Variants in ADAMTS20 observed in about 807,000 individuals in gnomAD.
ADAMTS20 encodes A disintegrin and metalloproteinase with thrombospondin motifs 20.
Under a neutral mutation model 260.1 loss-of-function variants are expected in ADAMTS20, and 225 were observed. The observed-to-expected ratio is 0.87, with a 90% CI of 0.78 to 0.97. The LOEUF is 0.97. Ranked by LOEUF, ADAMTS20 falls within the 50% of genes least tolerant of loss-of-function variation. The pLI is 0.00. For missense variants in ADAMTS20, 2,400 were observed against 2,337.7 expected (o/e 1.03, Z -0.55); for synonymous variants, 802 against 769.5 (o/e 1.04, Z -0.70).
chr12:43,411,743 T>C (rs1456003817), intron 28 of ADAMTS20, among the ~76,000 whole-genome samples: 6 of 152,208 alleles, frequency 3.9e-5, no homozygotes, highest in African/African-American at 9.6e-5. Flanking sequence ...TCTAGAATTT[T>C]TCTAAGCATC....
intron 3 of ADAMTS20, among the ~76,000 whole-genome samples, chr12:43,504,417 A>T (rs1277171699): frequency 6.6e-6 from 1 of 152,120 alleles, no homozygotes; most frequent in Non-Finnish European, 1.5e-5. Context: ...CTAGCTTTTA[A>T]TATTGTTATG....
chr12:43,392,676 A>T (rs1263379406), intron 29 of ADAMTS20, among the ~76,000 whole-genome samples: 1 of 152,084 alleles, frequency 6.6e-6, no homozygotes, highest in Non-Finnish European at 1.5e-5. Flanking sequence ...AGTCCAATAG[A>T]AAGTTTTCAA....
intron 28 of ADAMTS20, among the ~76,000 whole-genome samples, 182 bp downstream of exon 28, chr12:43,425,332 T>C (rs11182067): frequency 0.21 from 31,450 of 152,080 alleles, 3,742 homozygotes; most frequent in African/African-American, 0.31. Context: ...AGCTAGGTGA[T>C]GGGATCATCT....
chr12:43,502,085 C>T lies in ADAMTS20; in HGVS notation c.867+67G>A, dbSNP rs113217786. The T allele has an allele frequency of 1.2e-4, 169 of 1,408,402 alleles. 4 individuals carry two copies. The highest frequency in any genetic ancestry group is 5.2e-4 in the African/African-American group (35 of 67,098). The allele number at this position is 1,408,402 out of a possible 1,614,324, so 87.2% of individuals were successfully genotyped here. On this transcript the variant is annotated intron_variant, in intron 4 of 38. Transcript: ENST00000389420. The stretch of plus-strand genomic sequence containing the variant: ...AAGAGTTTGGAAAAAAAATTTAATT[C>T]GACATGAAAAAATTTCATTAAGCTA...
intron 37 of ADAMTS20, among the ~76,000 whole-genome samples, chr12:43,368,795 G>A (rs1453091622): frequency 6.6e-6 from 1 of 152,036 alleles, no homozygotes; most frequent in Admixed American, 6.6e-5. Flanking sequence ...TCATGGAAAT[G>A]ACATAAGAGC....
rs541947241 is a variant in ADAMTS20, at chr12:43,409,393, G to A, written c.4285-10160C>T. Among the ~76,000 whole-genome samples, 332 of 151,596 alleles carry A rather than the reference G, an allele frequency of 2.2e-3. 1 individual carries two copies. The highest frequency in any genetic ancestry group is 4.0e-3 in the Non-Finnish European group (271 of 67,876). ...CGAGACGGGCGGATCACGAGGTCAG[G>A]AGATCGAGACCATCCCGGCTAAAAC... On this transcript the variant is annotated intron_variant, in intron 28 of 38. Transcript: ENST00000389420.
intron 14 of ADAMTS20, among the ~76,000 whole-genome samples, chr12:43,447,527 A>G (rs920335317): frequency 1.3e-5 from 2 of 152,062 alleles, no homozygotes; most frequent in Admixed American, 6.6e-5. Context: ...CAAACCCACA[A>G]CAGCTATTAT....
intron 7 of ADAMTS20, among the ~76,000 whole-genome samples, chr12:43,478,979 C>T (rs548126045): frequency 1.6e-4 from 25 of 152,150 alleles, no homozygotes; most frequent in Admixed American, 3.3e-4. Context: ...CTTAAACCTG[C>T]GGAGTCTGGC....
chr12:43,529,228 T>C (rs747279080), intron 3 of ADAMTS20, among the ~76,000 whole-genome samples: 7 of 152,142 alleles, frequency 4.6e-5, no homozygotes, highest in Non-Finnish European at 5.9e-5. Context: ...ACAACCTCCA[T>C]GGAAACCTGT....
At chr12:43,478,455 A>C (rs1406129392) in intron 7 of ADAMTS20, among the ~76,000 whole-genome samples, 1 of 152,104 alleles carries the variant, frequency 6.6e-6, no homozygotes, top group East Asian at 1.9e-4. Flanking sequence ...AGATAAAATA[A>C]TAGGATAAAA....
At chr12:43,544,657 G>A (rs965437122) in intron 2 of ADAMTS20, among the ~76,000 whole-genome samples, 1 of 152,196 alleles carries the variant, frequency 6.6e-6, no homozygotes, top group African/African-American at 2.4e-5. Flanking sequence ...TCTATACAGA[G>A]AGAAGAGCAA....
At chr12:43,492,675 C>T (rs1038255932) in intron 5 of ADAMTS20, 46 bp from the exon 6 acceptor site, 6 of 1,599,708 alleles carry the variant, frequency 3.8e-6, no homozygotes, top group Non-Finnish European at 4.3e-6. Context: ...TATTAACGTC[C>T]TCTTTTCCTT....
chr12:43,443,194 T>A (rs781434886), intron 16 of ADAMTS20, among the ~76,000 whole-genome samples: 1 of 152,210 alleles, frequency 6.6e-6, no homozygotes, highest in African/African-American at 2.4e-5. Flanking sequence ...TTTTAAAGCA[T>A]CATTTTCATG....
chr12:43,482,561 G>A (rs893165539), intron 7 of ADAMTS20, among the ~76,000 whole-genome samples: 2 of 152,086 alleles, frequency 1.3e-5, no homozygotes, highest in Non-Finnish European at 2.9e-5. Context: ...GCTCCTCCCC[G>A]GAACATTACT....
At chr12:43,508,987 A>G (rs1942885380) in intron 3 of ADAMTS20, among the ~76,000 whole-genome samples, 1 of 152,060 alleles carries the variant, frequency 6.6e-6, no homozygotes. Context: ...CCCACTTATA[A>G]ATATTGAGAA....
intron 4 of ADAMTS20, among the ~76,000 whole-genome samples, chr12:43,501,481 G>GCACACACACACACACACACA (rs3036317): frequency 0.038 from 4,503 of 117,518 alleles, 154 homozygotes; most frequent in South Asian, 0.093. Flanking sequence ...GCGCGCGCGC[G>GCACACACACACACACACACA]CACACACACA....
intron 29 of ADAMTS20, among the ~76,000 whole-genome samples, chr12:43,393,988 T>C (rs1940649085): frequency 6.6e-6 from 1 of 152,088 alleles, no homozygotes; most frequent in South Asian, 2.1e-4. Context: ...TAATGCATTG[T>C]CCAGAATCTG....
At chr12:43,497,287 T>A (rs781586391) in intron 4 of ADAMTS20, among the ~76,000 whole-genome samples, 27 of 152,160 alleles carry the variant, frequency 1.8e-4, no homozygotes, top group Non-Finnish European at 2.2e-4. Context: ...AGGCAAAATA[T>A]ACTTCATACA....
At chr12:43,374,214 G>A (rs1262420774) in intron 36 of ADAMTS20, among the ~76,000 whole-genome samples, 1 of 151,974 alleles carries the variant, frequency 6.6e-6, no homozygotes, top group Non-Finnish European at 1.5e-5. Context: ...GATGGTGGAT[G>A]TTCAGTAAAT....
Sources: allele counts gnomAD v4.1 joint callset (sites outside exome capture counted in the v4.1 genomes callset), GRCh38; gene constraint gnomAD v4.1.1; transcripts MANE v1.5; gene names NCBI Gene and HGNC (gene_info 2026-07-23, HGNC 2026-07-21).